Variants in SIAH2 observed in about 807,000 individuals in gnomAD.
SIAH2 encodes siah E3 ubiquitin protein ligase 2.
SIAH2 carries 4 observed loss-of-function variants against 20.4 expected under a neutral mutation model. That is an observed-to-expected ratio of 0.20 (90% CI 0.10 to 0.45). The LOEUF is 0.45. Ranked by LOEUF, SIAH2 falls within the 20% of genes least tolerant of loss-of-function variation. The pLI, the probability that SIAH2 is intolerant of heterozygous loss-of-function variation, is 0.99. For missense variants in SIAH2, 259 were observed against 440.3 expected (o/e 0.59, Z 3.69); for synonymous variants, 171 against 192.5 (o/e 0.89, Z 0.93).
At chr3:150,754,227 G>A (rs992797056) in intron 1 of SIAH2, among the ~76,000 whole-genome samples, 1 of 152,158 alleles carries the variant, frequency 6.6e-6, no homozygotes, top group African/African-American at 2.4e-5. Flanking sequence ...ATTGGCTCAC[G>A]GTTCTGCAAG....
At chr3:150,745,078 T>A (rs1714178343) in intron 1 of SIAH2, among the ~76,000 whole-genome samples, 1 of 151,902 alleles carries the variant, frequency 6.6e-6, no homozygotes, top group Non-Finnish European at 1.5e-5. Flanking sequence ...TCTATTAACT[T>A]AAATAAATAG....
intron 1 of SIAH2, among the ~76,000 whole-genome samples, chr3:150,751,082 C>T (rs1022169531): frequency 6.6e-6 from 1 of 152,134 alleles, no homozygotes; most frequent in Non-Finnish European, 1.5e-5. Flanking sequence ...AGAACCTTAG[C>T]GTATTTTCCC....
rs1218082948 is a variant in SIAH2, at chr3:150,762,447, G to A, written c.403C>T (p.Leu135=). 1 of 1,612,654 alleles carries A rather than the reference G, an allele frequency of 6.2e-7. No homozygotes were observed. Among genetic ancestry groups the A allele is most frequent in the Non-Finnish European group, 8.5e-7 (1 of 1,179,566 alleles). The change falls in exon 1 of 2, where the codon CTG becomes TTG. Residue 135 remains leucine, a synonymous_variant. Coordinates refer to ENST00000312960, the MANE Select transcript of SIAH2 (RefSeq NM_005067.7). The surrounding 1 kb of genome is among the most constrained non-coding windows in gnomAD (Gnocchi z 6.6). ...CCTGGGCTTACCTTACAGGGAAACA[G>A]GACTGCCGAGGCCACCTTCTCCATA... ...LAMEKVASAV[L]FPCKYATTGC...
intron 1 of SIAH2, among the ~76,000 whole-genome samples, chr3:150,753,010 A>G (rs902099156): frequency 6.6e-6 from 1 of 152,204 alleles, no homozygotes; most frequent in African/African-American, 2.4e-5. Flanking sequence ...CATCCTTCAC[A>G]AGCAACTTTG....
At chr3:150,753,491 CT>C (rs2108122286) in intron 1 of SIAH2, among the ~76,000 whole-genome samples, 1 of 152,296 alleles carries the variant, frequency 6.6e-6, no homozygotes, top group South Asian at 2.1e-4. Flanking sequence ...TTTGGTTCTA[CT>C]ATCAAAAAGC....
intron 1 of SIAH2, among the ~76,000 whole-genome samples, chr3:150,757,483 C>A (rs949495260): frequency 6.6e-6 from 1 of 152,116 alleles, no homozygotes; most frequent in Non-Finnish European, 1.5e-5. Flanking sequence ...TAGGGCCTAA[C>A]AGAGTTCCAA....
At chr3:150,755,669 C>A (rs1714472442) in intron 1 of SIAH2, among the ~76,000 whole-genome samples, 1 of 152,130 alleles carries the variant, frequency 6.6e-6, no homozygotes, top group African/African-American at 2.4e-5. Flanking sequence ...AGGCATGCGC[C>A]ACCACGCCTG....
Position 150,742,454 on chromosome 3 carries a change from A to G in SIAH2, c.662T>C (p.Met221Thr), listed in dbSNP as rs1714116809. The G allele has an allele frequency of 6.2e-7, 1 of 1,614,074 alleles. No homozygotes were observed. The highest frequency in any genetic ancestry group is 8.5e-7 in the Non-Finnish European group (1 of 1,180,038). ...NLPGAVDWVM[M>T]QSCFGHHFML... The stretch of plus-strand genomic sequence containing the variant: ...GAAGTGATGGCCAAAACATGACTGC[A>G]TCATCACCCAGTCGACAGCCCCTGG... The change falls in exon 2 of 2, where the codon ATG becomes ACG. Residue 221 changes from methionine to threonine, a missense_variant. Transcript: ENST00000312960. This position sits in a 1 kb window ranked among gnomAD's most constrained non-coding sequence, Gnocchi z 4.8.
intron 1 of SIAH2, among the ~76,000 whole-genome samples, chr3:150,745,079 A>T (rs1714178596): frequency 6.6e-6 from 1 of 151,886 alleles, no homozygotes; most frequent in South Asian, 2.1e-4. Context: ...CTATTAACTT[A>T]AATAAATAGT....
intron 1 of SIAH2, among the ~76,000 whole-genome samples, chr3:150,748,598 C>T (rs1215536057): frequency 1.3e-5 from 2 of 152,182 alleles, no homozygotes; most frequent in East Asian, 1.9e-4. Flanking sequence ...CTGCCTAGAC[C>T]GGCTTACGTC....
intron 1 of SIAH2, among the ~76,000 whole-genome samples, chr3:150,753,042 T>C (rs1472602838): frequency 6.6e-6 from 1 of 152,198 alleles, no homozygotes; most frequent in Non-Finnish European, 1.5e-5. Flanking sequence ...CACAGCCTCC[T>C]TATGAGCTTC....
chr3:150,752,696 C>T (rs558459187), intron 1 of SIAH2, among the ~76,000 whole-genome samples: 25 of 152,256 alleles, frequency 1.6e-4, no homozygotes, highest in African/African-American at 5.5e-4. Flanking sequence ...TCTCCGGCCC[C>T]GCAAGTTATT....
intron 1 of SIAH2, among the ~76,000 whole-genome samples, chr3:150,745,610 C>A (rs1714195213): frequency 6.6e-6 from 1 of 152,148 alleles, no homozygotes; most frequent in African/African-American, 2.4e-5. Flanking sequence ...ATTCTCCTGC[C>A]TCAGCCTCCC....
Position 150,742,215 on chromosome 3 carries a change from T to C in SIAH2, c.901A>G (p.Thr301Ala). Reference sequence around the variant, plus strand: ...TCTGCAAAAAGATGTGCTATGGCTGTGTCGAAAACAAGGCAGTCGCTGTTC... The same window carrying C: ...TCTGCAAAAAGATGTGCTATGGCTGCGTCGAAAACAAGGCAGTCGCTGTTC... The part of the protein sequence containing the change: ...IMNSDCLVFD[T>A]AIAHLFADNG... Residue 301 changes from threonine (T) to alanine (A), a missense_variant, in exon 2 of 2, where the codon ACA becomes GCA. This residue lies in a region of SIAH2 where 160 missense variants were observed against 327.6 expected (regional missense o/e 0.49). Transcript: ENST00000312960. This position sits in a 1 kb window ranked among gnomAD's most constrained non-coding sequence, Gnocchi z 4.8. 1 of 1,614,218 alleles carries C rather than the reference T, an allele frequency of 6.2e-7. No individual in the cohort carries two copies. Among genetic ancestry groups the C allele is most frequent in the South Asian group, 1.1e-5 (1 of 91,082 alleles).
intron 1 of SIAH2, among the ~76,000 whole-genome samples, chr3:150,756,848 C>CT (rs1172631020): frequency 5.3e-5 from 8 of 152,214 alleles, no homozygotes; most frequent in African/African-American, 1.9e-4. Context: ...TCACTCTGTG[C>CT]TTTTATGGGC....
chr3:150,753,490 A>T (rs1714414707), intron 1 of SIAH2, among the ~76,000 whole-genome samples: 1 of 152,204 alleles, frequency 6.6e-6, no homozygotes, highest in Non-Finnish European at 1.5e-5. Flanking sequence ...ATTTGGTTCT[A>T]CTATCAAAAA....
At position 150,741,983 on chromosome 3, in the gene SIAH2, T is replaced by C. The variant is rs1450897970; in HGVS notation, c.*158A>G. 7.2e-6 allele frequency: 5 copies of C among 690,412 alleles called. No individual in the cohort carries two copies. The highest frequency in any genetic ancestry group is 1.2e-5 in the Non-Finnish European group (5 of 409,654). The allele number at this position is 690,412 out of a possible 1,614,324, so 42.8% of individuals were successfully genotyped here. ...CCATTCATCCCAGGTTAATGAACTT[T>C]GTTGGGTCGAAGCCAGATGGGACAC... On this transcript the variant is annotated 3_prime_UTR_variant, in exon 2 of 2. Coordinates refer to ENST00000312960, the MANE Select transcript of SIAH2 (RefSeq NM_005067.7).
chr3:150,749,344 TA>T (rs374136926), intron 1 of SIAH2, among the ~76,000 whole-genome samples: 3,088 of 143,948 alleles, frequency 0.021, 35 homozygotes, highest in African/African-American at 0.03. Flanking sequence ...TATAAAAAGT[TA>T]AAAAAAAAAA....
chr3:150,762,693 C>CCGCCGCGGCGGG lies in SIAH2; in HGVS notation c.145_156dup (p.Pro49_Ala52dup). ...CCGCCGCCGGGGCCCGAGATCACCGCCGCCGCGGCGGGCACCGCGGACGAG... is the reference window on the plus strand; with the variant it reads ...CCGCCGCCGGGGCCCGAGATCACCGCCGCCGCGGCGGGCGCCGCGGCGGGCACCGCGGACGAG... On this transcript the variant is annotated inframe_insertion, in exon 1 of 2. Transcript: ENST00000312960. This position sits in a 1 kb window ranked among gnomAD's most constrained non-coding sequence, Gnocchi z 6.6. The CCGCCGCGGCGGG allele has an allele frequency of 7.6e-7, 1 of 1,316,624 alleles. No homozygotes were observed. The highest frequency in any genetic ancestry group is 9.7e-7 in the Non-Finnish European group (1 of 1,030,664). The allele number at this position is 1,316,624 out of a possible 1,614,324, so 81.6% of individuals were successfully genotyped here. A position where few individuals can be genotyped will look rare whatever the true frequency, so the allele number is the denominator to read the frequency against.
Sources: gnomAD v4.1 joint callset for allele counts (sites outside exome capture counted in the v4.1 genomes callset) on GRCh38, gnomAD v4.1.1 for gene constraint, gnomAD v4.1.1 regional missense constraint, Gnocchi (gnomAD v3.1) non-coding constraint, MANE v1.5 for transcripts, NCBI Gene and HGNC (gene_info 2026-07-23, HGNC 2026-07-21) for gene names.